CNTN3: variants seen among roughly 807,000 people sequenced by gnomAD.
CNTN3 encodes the protein contactin 3.
In CNTN3, 60 loss-of-function variants were observed where a neutral mutation model predicts 119.1. The ratio of observed to expected loss-of-function variants is 0.50; its 90% CI spans 0.41 to 0.62. The LOEUF (loss-of-function observed/expected upper bound fraction) is 0.62, where lower values mean the gene tolerates loss of function less well. Among genes scored for constraint, CNTN3 ranks in the 20% least tolerant of loss-of-function variants. The pLI, the probability that CNTN3 is intolerant of heterozygous loss-of-function variation, is 0.00. For missense variants in CNTN3, 1,101 were observed against 1,242.4 expected, an observed-to-expected ratio of 0.89 and a Z score of 1.71; for synonymous variants, 450 against 438.7, an observed-to-expected ratio of 1.03 and a Z score of -0.32.
intron 1 of CNTN3, among the ~76,000 whole-genome samples, chr3:74,530,443 G>A (rs1408453529): frequency 6.6e-6 from 1 of 151,952 alleles, no homozygotes; most frequent in Non-Finnish European, 1.5e-5. Context: ...TCCTCACAGA[G>A]AGGAAGGCAG....
At chr3:74,589,997 T>C (rs913799597) in intron 1 of CNTN3, among the ~76,000 whole-genome samples, 1 of 147,796 alleles carries the variant, frequency 6.8e-6, no homozygotes, top group Non-Finnish European at 1.5e-5. Context: ...TTAGGAGATA[T>C]ACCTAATGCT....
chr3:74,502,517 C>A (rs907660310), intron 2 of CNTN3, among the ~76,000 whole-genome samples: 2 of 152,106 alleles, frequency 1.3e-5, no homozygotes, highest in Non-Finnish European at 2.9e-5. Flanking sequence ...TTGAACCAGG[C>A]ACCATGAACT....
Position 74,298,133 on chromosome 3 carries a change from G to T in CNTN3, c.2225C>A (p.Pro742His). The change falls in exon 18 of 23, where the codon CCT (proline) becomes CAT (histidine). Residue 742 changes from proline (P) to histidine (H), a missense_variant. Pro to His is a moderately conservative substitution (Grantham distance 77, BLOSUM62 -2). Coordinates refer to ENST00000263665, the MANE Select transcript of CNTN3 (RefSeq NM_020872.3). ...EGFGYVVAFRPLGVTTWIQTV... is the reference protein window; with the variant it reads ...EGFGYVVAFRHLGVTTWIQTV... ...CTGGATCCAGGTGGTAACCCCAAGA[G>T]GGCGGAAAGCAACAACATACCCAAA... 4.3e-6 allele frequency: 7 copies of T among 1,612,498 alleles called. No individual in the cohort carries two copies. The highest frequency in any genetic ancestry group is 5.9e-6 in the Non-Finnish European group (7 of 1,179,026).
At chr3:74,335,218 A>C (rs1322716757) in intron 12 of CNTN3, among the ~76,000 whole-genome samples, 1 of 152,128 alleles carries the variant, frequency 6.6e-6, no homozygotes, top group Admixed American at 6.6e-5. Flanking sequence ...ATTTCAACTT[A>C]GTTTTATTGT....
At chr3:74,366,645 T>C (rs1704195303) in intron 8 of CNTN3, among the ~76,000 whole-genome samples, 2 of 151,810 alleles carry the variant, frequency 1.3e-5, no homozygotes, top group Admixed American at 1.3e-4. Flanking sequence ...GATTTGTCTT[T>C]CCATTTCTAG....
chr3:74,432,777 C>T (rs1047769373), intron 4 of CNTN3, among the ~76,000 whole-genome samples: 6 of 152,192 alleles, frequency 3.9e-5, no homozygotes, highest in African/African-American at 1.4e-4. Flanking sequence ...TATTTCCCAA[C>T]ACCCAAATTC....
At chr3:74,299,726 A>G in intron 17 of CNTN3, 142 bp downstream of exon 17, 1 of 562,220 alleles carries the variant, frequency 1.8e-6, no homozygotes, top group Non-Finnish European at 3.1e-6. Context: ...CACCTATATT[A>G]CCACCAGCAG....
chr3:74,401,718 G>A lies in CNTN3; in HGVS notation c.454+23127C>T, dbSNP rs148946801. ...AATGTGGGCTATTAAACTCACGCCA[G>A]AGAAAGCTAAAGGGAGCTATGGTGA... is the stretch of plus-strand genomic sequence containing the variant. On this transcript the variant is annotated intron_variant, in intron 5 of 22. Transcript: ENST00000263665. Among the ~76,000 whole-genome samples, 155 of 152,252 alleles carry A rather than the reference G, an allele frequency of 1.0e-3. 1 individual carries two copies. Among genetic ancestry groups the A allele is most frequent in the Non-Finnish European group, 1.9e-4 (13 of 68,016 alleles).
chr3:74,428,375 C>A (rs541741302), intron 4 of CNTN3, among the ~76,000 whole-genome samples: 5 of 152,036 alleles, frequency 3.3e-5, no homozygotes, highest in Non-Finnish European at 7.4e-5. Flanking sequence ...ATGTTATTGC[C>A]CCTGAAGATC....
intron 5 of CNTN3, among the ~76,000 whole-genome samples, chr3:74,422,695 C>T (rs940173237): frequency 6.6e-6 from 1 of 152,098 alleles, no homozygotes. Context: ...ATTGGGTCAA[C>T]ACCTATAAAA....
intron 13 of CNTN3, among the ~76,000 whole-genome samples, chr3:74,309,910 G>T (rs1488839438): frequency 6.6e-6 from 1 of 152,146 alleles, no homozygotes; most frequent in Admixed American, 6.5e-5. Flanking sequence ...ACATGACATT[G>T]CCTTGGTGTG....
intron 11 of CNTN3, among the ~76,000 whole-genome samples, chr3:74,347,539 C>T (rs1448591588): frequency 6.6e-6 from 1 of 152,184 alleles, no homozygotes; most frequent in African/African-American, 2.4e-5. Context: ...CTAAGTCCAC[C>T]CCACAAGGCC....
intron 13 of CNTN3, among the ~76,000 whole-genome samples, chr3:74,333,489 T>C (rs1703316866): frequency 6.6e-6 from 1 of 152,208 alleles, no homozygotes; most frequent in South Asian, 2.1e-4. Flanking sequence ...TTCATCCTAA[T>C]TGGTCCATCT....
In CNTN3 at chr3:74,384,959, C is replaced by T. The variant is rs148774687; in HGVS notation, c.455-13560G>A. On this transcript the variant is annotated intron_variant, in intron 5 of 22. Coordinates refer to ENST00000263665, the MANE Select transcript of CNTN3 (RefSeq NM_020872.3). The stretch of plus-strand genomic sequence containing the variant: ...TCATTAATTCAATTAGTTGATCTTC[C>T]GCTGGCATGTACTGAAGGGCCTTTC... Among the ~76,000 whole-genome samples the T allele has an allele frequency of 5.1e-4, 78 of 152,098 alleles. No individual in the cohort carries two copies. In the East Asian group the frequency reaches 0.014, roughly 27 times the overall value.
At chr3:74,320,320 A>T (rs1457649044) in intron 13 of CNTN3, among the ~76,000 whole-genome samples, 4 of 152,244 alleles carry the variant, frequency 2.6e-5, no homozygotes, top group Non-Finnish European at 1.5e-5. Context: ...CATATACATC[A>T]TGGAATACTA....
chr3:74,383,434 C>T (rs1041578700), intron 5 of CNTN3, among the ~76,000 whole-genome samples: 1 of 152,050 alleles, frequency 6.6e-6, no homozygotes, highest in Non-Finnish European at 1.5e-5. Context: ...AAATTTTAAC[C>T]AAGGAATTCT....
intron 1 of CNTN3, among the ~76,000 whole-genome samples, chr3:74,548,890 T>C (rs929540363): frequency 3.9e-5 from 6 of 152,200 alleles, no homozygotes; most frequent in Admixed American, 2.6e-4. Context: ...TCATTTGGGA[T>C]AGACAACAAT....
chr3:74,572,262 C>T (rs1704345948), intron 1 of CNTN3, among the ~76,000 whole-genome samples: 1 of 152,134 alleles, frequency 6.6e-6, no homozygotes, highest in East Asian at 1.9e-4. Context: ...GTACAATACA[C>T]TTCCTGATTA....
rs1703398137 is a variant in CNTN3, at chr3:74,336,438, A to G, written c.1492+93T>C. On this transcript the variant is annotated intron_variant, in intron 12 of 22. Transcript: ENST00000263665. ...AATACAGGTTCTACCTTCATAGTGT[A>G]CTGAACATTGTGAAACACATAGTTA... is the stretch of plus-strand genomic sequence containing the variant. 6 of 1,346,248 alleles carry G rather than the reference A, an allele frequency of 4.5e-6. No homozygotes were observed. In the South Asian group the frequency reaches 7.7e-5, roughly 17 times the overall value. The allele number at this position is 1,346,248 out of a possible 1,614,324, so 83.4% of individuals were successfully genotyped here.
Sources: allele counts gnomAD v4.1 joint callset (sites outside exome capture counted in the v4.1 genomes callset), GRCh38; gene constraint gnomAD v4.1.1; transcripts MANE v1.5; gene names NCBI Gene and HGNC (gene_info 2026-07-23, HGNC 2026-07-21).